Variants in SORBS2 observed in about 807,000 individuals in gnomAD.
SORBS2 encodes the protein sorbin and SH3 domain-containing protein 2.
Under a neutral mutation model 97.7 loss-of-function variants are expected in SORBS2, and 46 were observed. The ratio of observed to expected loss-of-function variants is 0.47; its 90% confidence interval spans 0.37 to 0.60. The LOEUF is 0.60. Among genes scored for constraint, SORBS2 ranks in the 20% least tolerant of loss-of-function variants. The pLI is 0.00. For missense variants in SORBS2, 1,316 were observed against 1,282.3 expected (o/e 1.03, Z -0.40); for synonymous variants, 476 against 473.4 (o/e 1.01, Z -0.07).
intron 1 of SORBS2, among the ~76,000 whole-genome samples, chr4:185,859,306 T>G (rs1327399078): frequency 6.6e-6 from 1 of 152,186 alleles, no homozygotes; most frequent in East Asian, 1.9e-4. Flanking sequence ...ATTTTTCCCA[T>G]GAGACAAAAC....
chr4:185,806,461 T>C (rs1327599241), intron 1 of SORBS2, among the ~76,000 whole-genome samples: 1 of 41,600 alleles, frequency 2.4e-5, no homozygotes, highest in East Asian at 5.5e-4. Flanking sequence ...TTTTTTTTTT[T>C]TTTTTTTTTT....
At chr4:185,635,370 A>G in intron 4 of SORBS2, 1 of 1,613,670 alleles carries the variant, frequency 6.2e-7, no homozygotes, top group Non-Finnish European at 8.5e-7. Flanking sequence ...TGAAAACACC[A>G]GAAGAATGAT....
chr4:185,656,962 C>T (rs1406994293), exon 1 of SORBS2: 8 of 1,133,788 alleles, frequency 7.1e-6, no homozygotes, highest in Non-Finnish European at 8.6e-6. Flanking sequence ...CCTCCCAACT[C>T]CCAAATCACA....
At chr4:185,670,635 C>T (rs1329175841) in intron 4 of SORBS2, among the ~76,000 whole-genome samples, 6 of 149,682 alleles carry the variant, frequency 4.0e-5, no homozygotes, top group East Asian at 1.9e-4. Flanking sequence ...GTCTTGCTCT[C>T]GACCTCCAAA....
At chr4:185,704,506 A>G (rs1383224078) in intron 2 of SORBS2, among the ~76,000 whole-genome samples, 1 of 151,936 alleles carries the variant, frequency 6.6e-6, no homozygotes, top group African/African-American at 2.4e-5. Context: ...TTTAGTAGAG[A>G]TGGGGTTTCA....
intron 2 of SORBS2, among the ~76,000 whole-genome samples, chr4:185,705,729 G>A (rs1583120886): frequency 6.6e-6 from 1 of 152,142 alleles, no homozygotes; most frequent in East Asian, 1.9e-4. Flanking sequence ...CTCATTTACA[G>A]ACATGATGGA....
chr4:185,671,582 C>T (rs1165480840), intron 4 of SORBS2, among the ~76,000 whole-genome samples: 1 of 151,948 alleles, frequency 6.6e-6, no homozygotes, highest in East Asian at 1.9e-4. Flanking sequence ...TGTAATAGCT[C>T]TCAAAAAAAG....
intron 1 of SORBS2, among the ~76,000 whole-genome samples, chr4:185,909,355 A>T (rs2099253544): frequency 6.6e-6 from 1 of 152,190 alleles, no homozygotes; most frequent in Non-Finnish European, 1.5e-5. Context: ...ATAGACGTAG[A>T]ATGACAAGCA....
intron 2 of SORBS2, among the ~76,000 whole-genome samples, chr4:185,769,360 A>C (rs2098956126): frequency 6.6e-6 from 1 of 152,220 alleles, no homozygotes. Flanking sequence ...AAAGGCATCA[A>C]TATCTCAGCC....
At chr4:185,632,620 C>T (rs62334759) in intron 4 of SORBS2, among the ~76,000 whole-genome samples, 9,762 of 152,176 alleles carry the variant, frequency 0.064, 409 homozygotes, top group Middle Eastern at 0.099. Flanking sequence ...CAGATCACGG[C>T]TTTCGTGGGA....
intron 1 of SORBS2, among the ~76,000 whole-genome samples, chr4:185,814,205 G>T (rs2099191827): frequency 6.6e-6 from 1 of 151,972 alleles, no homozygotes; most frequent in South Asian, 2.1e-4. Flanking sequence ...CTCTGAAAAT[G>T]TCTTTATACC....
At position 185,735,493 on chromosome 4, in the gene SORBS2, CACACACACACTCACACACACAAACAA is replaced by C. The variant is rs555746998; in HGVS notation, c.-198+39708_-198+39733del. Among the ~76,000 whole-genome samples the C allele has an allele frequency of 2.2e-3, 327 of 150,020 alleles. 1 individual carries two copies. The highest frequency in any genetic ancestry group is 3.5e-3 in the Non-Finnish European group (238 of 67,622). On this transcript the variant is annotated intron_variant, in intron 2 of 20. Coordinates refer to the SORBS2 transcript ENST00000284776. ...GAAAACAAAGGGAAAAAAGGGCAAA[CACACACACACTCACACACACAAACAA>C]ACACACACACTCACATGCGAGCCTT... is the stretch of plus-strand genomic sequence containing the variant.
At chr4:185,752,985 G>C (rs1328718687) in intron 2 of SORBS2, among the ~76,000 whole-genome samples, 1 of 152,168 alleles carries the variant, frequency 6.6e-6, no homozygotes, top group Non-Finnish European at 1.5e-5. Flanking sequence ...GGAAATTCTA[G>C]CCAAATATAC....
At chr4:185,932,258 A>G (rs2099266875) in intron 1 of SORBS2, among the ~76,000 whole-genome samples, 1 of 151,752 alleles carries the variant, frequency 6.6e-6, no homozygotes, top group Admixed American at 6.6e-5. Flanking sequence ...GTGGAGGGAA[A>G]AAAGGATGGA....
intron 1 of SORBS2, among the ~76,000 whole-genome samples, chr4:185,876,603 C>T (rs905436540): frequency 2.0e-5 from 3 of 152,052 alleles, no homozygotes; most frequent in East Asian, 1.9e-4. Context: ...TTAAGATGCC[C>T]GCCAAGTGTC....
intron 1 of SORBS2, among the ~76,000 whole-genome samples, chr4:185,837,220 A>G (rs981193038): frequency 9.2e-5 from 14 of 152,196 alleles, no homozygotes; most frequent in Admixed American, 9.2e-4. Context: ...TAAATTTTAC[A>G]TCAAACAGAT....
rs1031593603 is a variant in SORBS2 at position 185,604,736 on chromosome 4, T to C, written c.2796+7044A>G. On this transcript the variant is annotated intron_variant, in intron 12 of 14. Transcript: ENST00000418609. ...ATCCCCAATGGTATGATCAGTTTAATTTTTCGCATGGGGGTGGCTGGAGAT... is the reference window on the plus strand; with the variant it reads ...ATCCCCAATGGTATGATCAGTTTAACTTTTCGCATGGGGGTGGCTGGAGAT... Among the ~76,000 whole-genome samples the C allele has an allele frequency of 2.6e-5, 4 of 152,190 alleles. No individual in the cohort carries two copies. In the South Asian group the frequency reaches 8.3e-4, roughly 32 times the overall value.
chr4:185,890,421 T>C (rs2099241884), intron 1 of SORBS2, among the ~76,000 whole-genome samples: 1 of 152,180 alleles, frequency 6.6e-6, no homozygotes, highest in Non-Finnish European at 1.5e-5. Context: ...AAGAAGACTG[T>C]GTGGCAGGCT....
chr4:185,634,520 T>C lies in SORBS2; in HGVS notation c.397-3922A>G, dbSNP rs1581448784. Among the ~76,000 whole-genome samples the C allele has an allele frequency of 1.3e-5, 2 of 152,014 alleles. 1 individual carries two copies. The highest frequency in any genetic ancestry group is 4.1e-4 in the South Asian group (2 of 4,826). On this transcript the variant is annotated intron_variant, in intron 4 of 14. Coordinates refer to ENST00000418609, the Ensembl canonical transcript of SORBS2. The stretch of plus-strand genomic sequence containing the variant: ...CTAGCAAAACAGTGCCATTTCTGCT[T>C]GTGTCTTCTAATGAGTCATTTATCC...
Sources: allele counts gnomAD v4.1 joint callset (sites outside exome capture counted in the v4.1 genomes callset), GRCh38; gene constraint gnomAD v4.1.1; transcripts MANE v1.5; gene names NCBI Gene and HGNC (gene_info 2026-07-23, HGNC 2026-07-21).